Variants in PTPRD observed in about 807,000 individuals in gnomAD.
PTPRD encodes the protein protein tyrosine phosphatase receptor type D, also known as receptor-type tyrosine-protein phosphatase delta.
In PTPRD, 34 loss-of-function variants were observed where a neutral mutation model predicts 214.5. The ratio of observed to expected loss-of-function variants is 0.16; its 90% confidence interval spans 0.12 to 0.21. PTPRD has a LOEUF of 0.21. Among genes scored for constraint, PTPRD ranks in the 10% least tolerant of loss-of-function variants. The pLI, the probability that PTPRD is intolerant of heterozygous loss-of-function variation, is 1.00. For synonymous variants in PTPRD, 1,128 were observed against 845.7 expected (o/e 1.33, Z -5.79); for missense variants, 2,545 against 2,398.7 (o/e 1.06, Z -1.27).
At chr9:9,578,685 C>T (rs1460473610) in intron 7 of PTPRD, among the ~76,000 whole-genome samples, 2 of 151,910 alleles carry the variant, frequency 1.3e-5, no homozygotes, top group African/African-American at 2.4e-5. Context: ...CTCATGTATC[C>T]TCAGTTGATG....
At chr9:9,142,478 T>A (rs985319084) in intron 10 of PTPRD, among the ~76,000 whole-genome samples, 2 of 152,230 alleles carry the variant, frequency 1.3e-5, no homozygotes, top group East Asian at 3.8e-4. Flanking sequence ...CAAAATTAAT[T>A]TACTCCTTTG....
chr9:9,211,656 G>C (rs2132856629), intron 9 of PTPRD, among the ~76,000 whole-genome samples: 2 of 152,092 alleles, frequency 1.3e-5, no homozygotes, highest in Admixed American at 1.3e-4. Flanking sequence ...TTAATAATTA[G>C]ATTCTTAATA....
intron 9 of PTPRD, among the ~76,000 whole-genome samples, chr9:9,264,382 T>C (rs1336447354): frequency 1.3e-5 from 2 of 151,542 alleles, no homozygotes; most frequent in Admixed American, 6.6e-5. Context: ...AATACCAGGA[T>C]TGAAGTAAAA....
intron 7 of PTPRD, among the ~76,000 whole-genome samples, chr9:9,616,257 ACCCC>A (rs2094853926): frequency 6.6e-6 from 1 of 151,882 alleles, no homozygotes; most frequent in Non-Finnish European, 1.5e-5. Flanking sequence ...ATACAGTGAC[ACCCC>A]CCAAAATTAT....
intron 5 of PTPRD, among the ~76,000 whole-genome samples, chr9:9,877,897 C>T (rs534885372): frequency 1.1e-4 from 16 of 140,566 alleles, no homozygotes; most frequent in African/African-American, 3.8e-4. Context: ...TGCTTTACCC[C>T]GGGAGGTGGA....
At chr9:9,334,113 T>A (rs1352665491) in intron 9 of PTPRD, among the ~76,000 whole-genome samples, 3 of 151,982 alleles carry the variant, frequency 2.0e-5, no homozygotes, top group Non-Finnish European at 2.9e-5. Flanking sequence ...CATATTAAGT[T>A]TTATCAGAAA....
chr9:9,277,065 T>G (rs1280962984), intron 9 of PTPRD, among the ~76,000 whole-genome samples: 1 of 151,388 alleles, frequency 6.6e-6, no homozygotes, highest in African/African-American at 2.4e-5. Flanking sequence ...TTACCTCACT[T>G]GTCAAGCTAC....
intron 4 of PTPRD, among the ~76,000 whole-genome samples, chr9:9,976,554 T>G (rs754947418): frequency 8.9e-4 from 134 of 151,312 alleles, no homozygotes; most frequent in Admixed American, 3.0e-3. Context: ...ACCTGGCTAA[T>G]TTTTTGTATT....
chr9:9,733,517 T>C (rs1273805394), intron 7 of PTPRD, among the ~76,000 whole-genome samples: 1 of 152,146 alleles, frequency 6.6e-6, no homozygotes, highest in Non-Finnish European at 1.5e-5. Context: ...GGAAATGAAA[T>C]GATTATAACA....
At chr9:8,616,894 C>G (rs548715996) in intron 14 of PTPRD, among the ~76,000 whole-genome samples, 2 of 152,138 alleles carry the variant, frequency 1.3e-5, no homozygotes, top group Non-Finnish European at 2.9e-5. Context: ...TAAGCTGAAA[C>G]TCATCCAGAC....
intron 2 of PTPRD, among the ~76,000 whole-genome samples, chr9:10,499,820 G>A (rs1204843152): frequency 1.3e-5 from 2 of 151,744 alleles, no homozygotes; most frequent in Non-Finnish European, 2.9e-5. Flanking sequence ...TTATTGTCAT[G>A]TGCCAAAGAG....
At chr9:8,759,047 G>C (rs113079517) in intron 11 of PTPRD, among the ~76,000 whole-genome samples, 1 of 141,788 alleles carries the variant, frequency 7.1e-6, no homozygotes, top group Non-Finnish European at 1.5e-5. Context: ...TTTTTTTTTA[G>C]AAAGAGAGCA....
intron 11 of PTPRD, among the ~76,000 whole-genome samples, chr9:8,990,009 T>C (rs996791181): frequency 6.6e-6 from 1 of 152,182 alleles, no homozygotes; most frequent in Non-Finnish European, 1.5e-5. Context: ...AAAACCATAA[T>C]AATCTAGACC....
intron 3 of PTPRD, among the ~76,000 whole-genome samples, chr9:10,160,498 T>C (rs1204053510): frequency 6.6e-6 from 1 of 151,872 alleles, no homozygotes; most frequent in Non-Finnish European, 1.5e-5. Context: ...TTTTAATAGA[T>C]ACCAAAAAAG....
chr9:10,532,429 G>C (rs574881317), intron 2 of PTPRD: 7 of 148,790 alleles, frequency 4.7e-5, no homozygotes, highest in South Asian at 2.1e-4. Flanking sequence ...TGACACATTG[G>C]TTAGTGTTCC....
intron 12 of PTPRD, among the ~76,000 whole-genome samples, chr9:8,678,910 T>C (rs1022426003): frequency 1.3e-5 from 2 of 152,188 alleles, no homozygotes; most frequent in Admixed American, 1.3e-4. Context: ...TAAAATGCTT[T>C]GGTAAAGAAT....
rs907961438 is a variant in PTPRD, at chr9:9,700,104, C to A, written c.-287+34429G>T. On this transcript the variant is annotated intron_variant, in intron 7 of 45. Coordinates refer to ENST00000381196, the MANE Select transcript of PTPRD (RefSeq NM_002839.4). ...TTTCACCTAGCATAAATATTTACAT[C>A]GGCAAAGGTACTGAACTATATATTT... Among the ~76,000 whole-genome samples, 6 of 152,168 alleles carry A rather than the reference C, an allele frequency of 3.9e-5. No individual in the cohort carries two copies. In the South Asian group the frequency reaches 1.2e-3, roughly 32 times the overall value.
intron 9 of PTPRD, among the ~76,000 whole-genome samples, chr9:9,207,929 C>G (rs1357702161): frequency 1.4e-5 from 2 of 147,796 alleles, no homozygotes; most frequent in South Asian, 2.2e-4. Flanking sequence ...CGTAGTATAT[C>G]TTTTAGTGAA....
chr9:8,644,262 G>C (rs980361319), intron 12 of PTPRD, among the ~76,000 whole-genome samples: 1 of 151,906 alleles, frequency 6.6e-6, no homozygotes, highest in African/African-American at 2.4e-5. Flanking sequence ...CTAACAGAGA[G>C]GAGCTACCCT....
Sources: gnomAD v4.1 joint callset for allele counts (sites outside exome capture counted in the v4.1 genomes callset) on GRCh38, gnomAD v4.1.1 for gene constraint, MANE v1.5 for transcripts, NCBI Gene and HGNC (gene_info 2026-07-23, HGNC 2026-07-21) for gene names.